SLC20A2: variants seen among roughly 807,000 people sequenced by gnomAD.
The protein encoded by SLC20A2 is solute carrier family 20 member 2, also known as sodium-dependent phosphate transporter 2.
SLC20A2 carries 30 observed loss-of-function variants against 61.0 expected under a neutral mutation model. That is an observed-to-expected ratio of 0.49 (90% CI 0.37 to 0.67). The LOEUF is 0.67. Among genes scored for constraint, SLC20A2 ranks in the 30% least tolerant of loss-of-function variants. The pLI is 0.00. For missense variants in SLC20A2, 626 were observed against 866.4 expected, an observed-to-expected ratio of 0.72 and a Z score of 3.48; for synonymous variants, 351 against 353.3, an observed-to-expected ratio of 0.99 and a Z score of 0.07.
chr8:42,490,916 C>T (rs1809460911), intron 1 of SLC20A2, among the ~76,000 whole-genome samples: 1 of 152,114 alleles, frequency 6.6e-6, no homozygotes, highest in Admixed American at 6.5e-5. Flanking sequence ...CAGATGAGCT[C>T]TTTTATAACT....
At chr8:42,514,629 G>A (rs184251361) in intron 1 of SLC20A2, among the ~76,000 whole-genome samples, 1 of 151,964 alleles carries the variant, frequency 6.6e-6, no homozygotes, top group Non-Finnish European at 1.5e-5. Context: ...ATGGTGGTAC[G>A]CGCCTGTAAT....
chr8:42,444,262 T>C, intron 6 of SLC20A2, among the ~76,000 whole-genome samples: 1 of 152,224 alleles, frequency 6.6e-6, no homozygotes, highest in African/African-American at 2.4e-5. Context: ...GAGTTCCAAT[T>C]ATTTCACTTC....
chr8:42,505,905 C>G (rs1016338709), upstream of SLC20A2, among the ~76,000 whole-genome samples: 1 of 151,576 alleles, frequency 6.6e-6, no homozygotes. Context: ...AAAAAAAAGC[C>G]ATCAAAAAAT....
At chr8:42,460,456 T>C (rs938208051) in intron 4 of SLC20A2, among the ~76,000 whole-genome samples, 1 of 152,254 alleles carries the variant, frequency 6.6e-6, no homozygotes, top group Non-Finnish European at 1.5e-5. Context: ...GTCAGATGAC[T>C]TCAGCATCAC....
intron 1 of SLC20A2, chr8:42,480,394 A>T (rs929476520): frequency 1.1e-4 from 17 of 152,288 alleles, no homozygotes; most frequent in Admixed American, 2.6e-4. Flanking sequence ...ACATTTTTTT[A>T]AAAAAAGTTA....
rs867346671 is a variant in SLC20A2, at chr8:42,520,056, T to C, written c.-265+21765A>G. Among the ~76,000 whole-genome samples, 4 of 139,330 alleles carry C rather than the reference T, an allele frequency of 2.9e-5. 1 individual carries two copies. The South Asian group carries it at 9.6e-4, about 33-fold the overall frequency. 91.4% of individuals were successfully genotyped at this position (139,330 alleles called of 152,430 possible). A position where few individuals can be genotyped will look rare whatever the true frequency, so the allele number is the denominator to read the frequency against. On this transcript the variant is annotated intron_variant, in intron 1 of 10. Coordinates refer to the SLC20A2 transcript ENST00000342228. ...TAAGACAGAGCCTCACTCTGTTGCC[T>C]AGGCTGGAGTGTAGTGACATGATCT...
rs183032905 is a variant in SLC20A2 at position 42,418,253 on chromosome 8, A to G, written c.1795-286T>C. Among the ~76,000 whole-genome samples the G allele has an allele frequency of 9.2e-5, 14 of 152,250 alleles. 1 individual carries two copies. Among genetic ancestry groups the G allele is most frequent in the African/African-American group, 3.1e-4 (13 of 41,540 alleles). On this transcript the variant is annotated intron_variant, in intron 10 of 10. Transcript: ENST00000520262. ...GTGATCTCAGCTTACTGCAACCTCC[A>G]TCTCCCAGGTTCAAGCAATTCTCCT...
intron 10 of SLC20A2, among the ~76,000 whole-genome samples, chr8:42,422,680 C>T (rs1246128804): frequency 1.3e-5 from 2 of 152,044 alleles, no homozygotes; most frequent in African/African-American, 2.4e-5. Context: ...TTGGAGAACT[C>T]CCTTAATTTC....
At chr8:42,519,612 TTTTCTAA>T (rs1811523825) in intron 1 of SLC20A2, among the ~76,000 whole-genome samples, 1 of 152,184 alleles carries the variant, frequency 6.6e-6, no homozygotes, top group Non-Finnish European at 1.5e-5. Context: ...TTCCTTCTCT[TTTTCTAA>T]CTTCTTACAA....
intron 5 of SLC20A2, among the ~76,000 whole-genome samples, chr8:42,446,361 A>T (rs546368438): frequency 1.1e-4 from 17 of 152,340 alleles, no homozygotes; most frequent in Admixed American, 2.0e-4. Context: ...GTCAATGGTG[A>T]CAACAGGCAC....
chr8:42,515,187 G>A (rs906080541), intron 1 of SLC20A2, among the ~76,000 whole-genome samples: 5 of 152,140 alleles, frequency 3.3e-5, no homozygotes, highest in South Asian at 2.1e-4. Flanking sequence ...ATAAGTAGCG[G>A]GGCAGGAATT....
At chr8:42,493,093 A>T (rs950242708) in intron 1 of SLC20A2, among the ~76,000 whole-genome samples, 15 of 152,354 alleles carry the variant, frequency 9.8e-5, no homozygotes, top group African/African-American at 3.4e-4. Flanking sequence ...ATTTTGCTCC[A>T]GGCCCAGGCT....
At chr8:42,518,598 CTT>C (rs1466594153) in intron 1 of SLC20A2, among the ~76,000 whole-genome samples, 4 of 152,162 alleles carry the variant, frequency 2.6e-5, no homozygotes, top group African/African-American at 4.8e-5. Flanking sequence ...GACATTAACT[CTT>C]GTTTTTTATT....
At chr8:42,435,891 C>T (rs1426679156) in intron 8 of SLC20A2, among the ~76,000 whole-genome samples, 6 of 151,928 alleles carry the variant, frequency 3.9e-5, no homozygotes, top group Admixed American at 2.6e-4. Flanking sequence ...CTGAGGTGGG[C>T]GGATCACCTG....
At chr8:42,537,497 GT>G in intron 1 of SLC20A2, 1 of 151,868 alleles carries the variant, frequency 6.6e-6, no homozygotes, top group East Asian at 1.9e-4. Context: ...TCTGGTAAGT[GT>G]TTAAAAAAAG....
rs1808795777 is a variant in SLC20A2 at position 42,484,545 on chromosome 8, G to A, written c.-264-11891C>T. 3 of 156,868 alleles carry A rather than the reference G, an allele frequency of 1.9e-5. No individual in the cohort carries two copies. In the South Asian group the frequency reaches 5.9e-4, roughly 31 times the overall value. The allele number at this position is 156,868 out of a possible 1,614,324, so 9.7% of individuals were successfully genotyped here. A position where few individuals can be genotyped will look rare whatever the true frequency, so the allele number is the denominator to read the frequency against. The stretch of plus-strand genomic sequence containing the variant: ...ATTTCCTCACTCTGAGAATGCTCAT[G>A]GCTCTTAATTCCCCATGCACGATAA... On this transcript the variant is annotated intron_variant, in intron 1 of 10. Transcript: ENST00000520262.
intron 1 of SLC20A2, among the ~76,000 whole-genome samples, chr8:42,523,114 C>T (rs994460460): frequency 1.3e-5 from 2 of 151,964 alleles, no homozygotes; most frequent in Admixed American, 6.6e-5. Flanking sequence ...GGGCAGATCA[C>T]GAGGTCAGGA....
chr8:42,446,889 TAAAA>T (rs2131066566), intron 5 of SLC20A2, among the ~76,000 whole-genome samples: 1 of 151,988 alleles, frequency 6.6e-6, no homozygotes, highest in African/African-American at 2.4e-5. Flanking sequence ...GAAAAAGAAA[TAAAA>T]ATATATATAC....
In SLC20A2 at chr8:42,520,465, G is replaced by A. The variant is rs962006178; in HGVS notation, c.-265+21356C>T. On this transcript the variant is annotated intron_variant, in intron 1 of 10. Coordinates refer to the SLC20A2 transcript ENST00000342228. Reference sequence around the variant, plus strand: ...CTTGAGGCTGGGGGCGGTGGCTTACGCCTGTAATCCCAGCACTTTGGGAGG... The same window carrying A: ...CTTGAGGCTGGGGGCGGTGGCTTACACCTGTAATCCCAGCACTTTGGGAGG... Among the ~76,000 whole-genome samples the A allele has an allele frequency of 1.1e-4, 13 of 121,632 alleles. 3 individuals carry two copies. The East Asian group carries it at 3.0e-3, about 28-fold the overall frequency. The allele number at this position is 121,632 out of a possible 152,430, so 79.8% of individuals were successfully genotyped here. A position where few individuals can be genotyped will look rare whatever the true frequency, so the allele number is the denominator to read the frequency against.
Sources: allele counts gnomAD v4.1 joint callset (sites outside exome capture counted in the v4.1 genomes callset), GRCh38; gene constraint gnomAD v4.1.1; transcripts MANE v1.5; gene names NCBI Gene and HGNC (gene_info 2026-07-23, HGNC 2026-07-21).